Variants in HMGN3 observed in about 807,000 individuals in gnomAD.
HMGN3 encodes high mobility group nucleosome-binding domain-containing protein 3.
In HMGN3, 6 loss-of-function variants were observed where a neutral mutation model predicts 18.8. The ratio of observed to expected loss-of-function variants is 0.32; its 90% CI spans 0.18 to 0.63. The LOEUF is 0.63. Among genes scored for constraint, HMGN3 ranks in the 30% least tolerant of loss-of-function variants. The probability of loss-of-function intolerance (pLI) is 0.79; values close to 1 mark genes in which losing one functional copy is unlikely to be tolerated. For missense variants in HMGN3, 107 were observed against 114.2 expected, an observed-to-expected ratio of 0.94 and a Z score of 0.29; for synonymous variants, 40 against 36.5, an observed-to-expected ratio of 1.10 and a Z score of -0.35.
chr6:79,215,312 T>C (rs1182678807), intron 1 of HMGN3, among the ~76,000 whole-genome samples: 1 of 152,244 alleles, frequency 6.6e-6, no homozygotes, highest in African/African-American at 2.4e-5. Context: ...TTATCTTTGA[T>C]GATTCCAGTT....
exon 6 of HMGN3, chr6:79,201,699 C>T (rs752710119): frequency 2.5e-5 from 40 of 1,595,122 alleles, no homozygotes; most frequent in African/African-American, 8.1e-5. Context: ...CATTCTCCCT[C>T]GTTATCTACA....
chr6:79,207,388 G>A (rs551289470), intron 3 of HMGN3, among the ~76,000 whole-genome samples: 8 of 152,246 alleles, frequency 5.3e-5, no homozygotes, highest in Admixed American at 5.2e-4. Context: ...AATGAGTCTG[G>A]TGAGATCTGA....
intron 1 of HMGN3, among the ~76,000 whole-genome samples, chr6:79,230,911 A>G (rs918151889): frequency 6.6e-6 from 1 of 152,218 alleles, no homozygotes; most frequent in Admixed American, 6.5e-5. Flanking sequence ...AACCTTGATC[A>G]TGGTTAGTTA....
intron 2 of HMGN3, among the ~76,000 whole-genome samples, chr6:79,210,174 CG>C (rs1776615264): frequency 6.6e-6 from 1 of 152,070 alleles, no homozygotes; most frequent in Non-Finnish European, 1.5e-5. Flanking sequence ...CATGGTTAAC[CG>C]TATTAAGTAT....
intron 1 of HMGN3, among the ~76,000 whole-genome samples, chr6:79,216,920 T>C (rs993935628): frequency 2.6e-5 from 4 of 152,176 alleles, no homozygotes; most frequent in African/African-American, 4.8e-5. Flanking sequence ...CTACCTATAA[T>C]TGATAGGCAG....
intron 2 of HMGN3, 122 bp downstream of exon 2, chr6:79,214,850 G>T: frequency 1.5e-6 from 1 of 651,062 alleles, no homozygotes; most frequent in South Asian, 1.9e-5. Flanking sequence ...TAACAACCTT[G>T]ATCATTCATA....
chr6:79,203,623 G>A lies in HMGN3; in HGVS notation c.104C>T (p.Ala35Val), dbSNP rs556798340. The A allele has an allele frequency of 8.1e-5, 130 of 1,609,946 alleles. No individual in the cohort carries two copies. The highest frequency in any genetic ancestry group is 9.6e-5 in the Non-Finnish European group (113 of 1,178,184). The change falls in exon 4 of 6, where the codon GCT becomes GTT. Residue 35 changes from alanine to valine, a missense_variant. By Grantham distance (64) the Ala-to-Val change is moderately conservative. Coordinates refer to ENST00000344726, the Ensembl canonical transcript of HMGN3. ...TGGTTTGGGTTCAGGTTTTGGTGGA[G>A]CAGGTTTCTGCAAAGATAATTTAAA...
At chr6:79,214,443 C>T (rs1162498359) in intron 2 of HMGN3, among the ~76,000 whole-genome samples, 1 of 152,074 alleles carries the variant, frequency 6.6e-6, no homozygotes, top group Non-Finnish European at 1.5e-5. Context: ...CCTCGTGATC[C>T]GCCCGCCTCG....
chr6:79,204,239 T>A (rs989191), intron 3 of HMGN3, among the ~76,000 whole-genome samples: 1 of 152,160 alleles, frequency 6.6e-6, no homozygotes, highest in South Asian at 2.1e-4. Context: ...GTCTAAAGGT[T>A]TTTATTGAGA....
chr6:79,228,896 G>A (rs139911593), intron 1 of HMGN3, among the ~76,000 whole-genome samples: 22 of 152,234 alleles, frequency 1.4e-4, no homozygotes, highest in African/African-American at 4.8e-4. Flanking sequence ...GTATAAGAAC[G>A]ACATACAGAC....
At chr6:79,203,753 G>A (rs1776270007) in intron 3 of HMGN3, 123 bp from the exon 4 acceptor site, 1 of 741,208 alleles carries the variant, frequency 1.3e-6, no homozygotes, top group African/African-American at 1.8e-5. Context: ...TCATTAAAAA[G>A]TATTTCATCC....
chr6:79,210,117 A>G (rs1163192324), intron 2 of HMGN3, among the ~76,000 whole-genome samples: 3 of 152,218 alleles, frequency 2.0e-5, no homozygotes, highest in African/African-American at 4.8e-5. Context: ...CAGTGCACCC[A>G]TAAGTCCCTG....
intron 1 of HMGN3, among the ~76,000 whole-genome samples, chr6:79,218,927 G>A (rs1023129130): frequency 1.3e-5 from 2 of 152,118 alleles, no homozygotes; most frequent in African/African-American, 4.8e-5. Context: ...AGACTGCTGA[G>A]GAATTAAGAA....
At chr6:79,202,520 C>G (rs538710268) in intron 4 of HMGN3, 131 bp from the exon 5 acceptor site, 1 of 732,878 alleles carries the variant, frequency 1.4e-6, no homozygotes, top group South Asian at 1.7e-5. Flanking sequence ...TATGGAGACA[C>G]GGGAGCCTAA....
At chr6:79,206,614 G>A (rs1776433482) in intron 3 of HMGN3, among the ~76,000 whole-genome samples, 1 of 152,252 alleles carries the variant, frequency 6.6e-6, no homozygotes, top group South Asian at 2.1e-4. Context: ...GGTCCTCATG[G>A]ATAACCTCTG....
intron 1 of HMGN3, among the ~76,000 whole-genome samples, chr6:79,217,624 G>T (rs910883669): frequency 2.0e-5 from 3 of 152,164 alleles, no homozygotes; most frequent in African/African-American, 7.2e-5. Context: ...CTGCAAACTG[G>T]TTATCTGTTT....
intron 3 of HMGN3, among the ~76,000 whole-genome samples, chr6:79,205,827 T>C (rs1776398972): frequency 6.6e-6 from 1 of 152,206 alleles, no homozygotes; most frequent in Non-Finnish European, 1.5e-5. Flanking sequence ...TAAAGATTTG[T>C]TGAATGGCTT....
chr6:79,217,279 G>A (rs1777038759), intron 1 of HMGN3, among the ~76,000 whole-genome samples: 1 of 152,154 alleles, frequency 6.6e-6, no homozygotes, highest in South Asian at 2.1e-4. Context: ...TCTTTACCGG[G>A]GATCAGTGTG....
At chr6:79,225,573 G>A (rs189735706) in intron 1 of HMGN3, among the ~76,000 whole-genome samples, 39 of 152,220 alleles carry the variant, frequency 2.6e-4, no homozygotes, top group African/African-American at 7.5e-4. Context: ...ATATGCAAGC[G>A]TATTTACATG....
Sources: allele counts gnomAD v4.1 joint callset (sites outside exome capture counted in the v4.1 genomes callset), GRCh38; gene constraint gnomAD v4.1.1; transcripts MANE v1.5; gene names NCBI Gene and HGNC (gene_info 2026-07-23, HGNC 2026-07-21).